The following HLTF variants were observed in gnomAD, a reference collection of about 807,000 sequenced individuals.
HLTF encodes helicase like transcription factor.
A neutral mutation model predicts 129.4 loss-of-function variants in HLTF; 127 were observed. The ratio of observed to expected loss-of-function variants is 0.98; its 90% CI spans 0.85 to 1.14. The LOEUF (loss-of-function observed/expected upper bound fraction) is 1.14, where lower values mean the gene tolerates loss of function less well. Among genes scored for constraint, HLTF ranks in the 50% most tolerant of loss-of-function variants. HLTF has a pLI of 0.00. For missense variants in HLTF, 1,139 were observed against 1,187.1 expected (o/e 0.96, Z 0.60); for synonymous variants, 332 against 388.8 (o/e 0.85, Z 1.72).
chr3:149,038,971 G>T (rs1715877624), intron 23 of HLTF, 78 bp downstream of exon 23: 2 of 781,566 alleles, frequency 2.6e-6, no homozygotes, highest in South Asian at 2.5e-5. Flanking sequence ...AACTATGAAG[G>T]TATTTACCAA....
intron 10 of HLTF, among the ~76,000 whole-genome samples, chr3:149,061,193 G>C (rs528349239): frequency 1.3e-4 from 20 of 151,928 alleles, no homozygotes; most frequent in African/African-American, 4.8e-4. Flanking sequence ...CCTTAGCCTC[G>C]GGAGTACCTA....
intron 14 of HLTF, among the ~76,000 whole-genome samples, chr3:149,053,701 G>T (rs1717182217): frequency 6.6e-6 from 1 of 152,236 alleles, no homozygotes; most frequent in East Asian, 1.9e-4. Context: ...CACTTGGCAA[G>T]ATTTTGCCAC....
chr3:149,051,992 A>G (rs1489748187), intron 14 of HLTF: 1 of 152,056 alleles, frequency 6.6e-6, no homozygotes, highest in Non-Finnish European at 1.5e-5. Context: ...CATCTCTACT[A>G]AAAAAACAAA....
intron 13 of HLTF, among the ~76,000 whole-genome samples, chr3:149,056,264 T>C (rs1401565096): frequency 3.3e-5 from 5 of 152,220 alleles, no homozygotes; most frequent in African/African-American, 4.8e-5. Flanking sequence ...TGTTACACAG[T>C]AATAGGTAAC....
chr3:149,046,357 T>C, intron 17 of HLTF, 98 bp from the exon 18 acceptor site: 3 of 658,554 alleles, frequency 4.6e-6, no homozygotes, highest in East Asian at 6.3e-5. Context: ...TACTGTTTTA[T>C]AGCTTCTGTA....
At chr3:149,050,396 T>C (rs1196196265) in intron 14 of HLTF, 21 bp from the exon 15 acceptor site, 2 of 1,515,226 alleles carry the variant, frequency 1.3e-6, no homozygotes, top group African/African-American at 1.4e-5. Context: ...ATTAGGAATA[T>C]TTTTAACAAT....
intron 2 of HLTF, among the ~76,000 whole-genome samples, chr3:149,082,862 T>C (rs1277743585): frequency 6.6e-6 from 1 of 152,166 alleles, no homozygotes; most frequent in Non-Finnish European, 1.5e-5. Context: ...ATGATTCCAA[T>C]TTACATGCAC....
At chr3:149,053,194 C>A (rs1276687422) in intron 14 of HLTF, among the ~76,000 whole-genome samples, 1 of 152,158 alleles carries the variant, frequency 6.6e-6, no homozygotes, top group Admixed American at 6.5e-5. Flanking sequence ...AATTCTTGAT[C>A]ATTGAAATCG....
intron 19 of HLTF, 83 bp from the exon 20 acceptor site, chr3:149,041,751 T>C (rs1716151979): frequency 5.3e-6 from 5 of 937,584 alleles, no homozygotes; most frequent in Non-Finnish European, 8.1e-6. Flanking sequence ...AAAGTTTCGC[T>C]TGCCAGTAGG....
chr3:149,050,261 T>C lies in HLTF; in HGVS notation c.1588A>G (p.Thr530Ala), dbSNP rs1438936855. 5 of 1,590,700 alleles carry C rather than the reference T, an allele frequency of 3.1e-6. No individual in the cohort carries two copies. The highest frequency in any genetic ancestry group is 1.3e-5 in the African/African-American group (1 of 74,260). ...LLSKQDIVLT[T>A]YNILTHDYGT... The stretch of plus-strand genomic sequence containing the variant: ...TAGTCATGAGTTAAAATATTATACG[T>C]AGTCAAAACAATATCCTGTTTTGAA... Residue 530 changes from threonine to alanine, a missense_variant, in exon 15 of 25, where the codon ACG becomes GCG. Coordinates refer to ENST00000310053, the MANE Select transcript of HLTF (RefSeq NM_003071.4).
chr3:149,069,012 G>C (rs1576613272), intron 7 of HLTF, among the ~76,000 whole-genome samples: 1 of 152,086 alleles, frequency 6.6e-6, no homozygotes, highest in Non-Finnish European at 1.5e-5. Flanking sequence ...ATACTACTAA[G>C]ACAGACCTTA....
intron 9 of HLTF, among the ~76,000 whole-genome samples, chr3:149,064,563 C>T (rs1193894471): frequency 2.0e-5 from 3 of 152,098 alleles, no homozygotes; most frequent in Non-Finnish European, 4.4e-5. Context: ...TGCTCTTCCC[C>T]AGTTCTCTAA....
Position 149,048,870 on chromosome 3 carries a change from A to T in HLTF, c.1749T>A (p.Val583=). ...VLDLESERRW[V]LTGTPIQNSL... is the part of the protein sequence containing the mutation. Reference sequence around the variant, plus strand: ...GTTTAATGCTATGATTACCTGTCAAAACCCATCTTCTTTCTGATTCTAAGT... The same window carrying T: ...GTTTAATGCTATGATTACCTGTCAATACCCATCTTCTTTCTGATTCTAAGT... Residue 583 remains valine (V), a synonymous_variant, in exon 16 of 25, where the codon GTT becomes GTA. Coordinates refer to ENST00000310053, the MANE Select transcript of HLTF (RefSeq NM_003071.4). 6.2e-7 allele frequency: 1 copy of T among 1,612,892 alleles called. No individual in the cohort carries two copies. Among genetic ancestry groups the T allele is most frequent in the Non-Finnish European group, 8.5e-7 (1 of 1,179,030 alleles).
In HLTF at chr3:149,050,327, C is replaced by A. The variant is rs1443522734; in HGVS notation, c.1522G>T (p.Val508Phe). The A allele has an allele frequency of 6.3e-7, 1 of 1,595,050 alleles. No homozygotes were observed. Among genetic ancestry groups the A allele is most frequent in the Admixed American group, 1.7e-5 (1 of 58,808 alleles). Reference protein sequence around the residue: ...IKSDVHLNFYVYYGPDRIREP... With the variant: ...IKSDVHLNFYFYYGPDRIREP... ...CTAATACGATCAGGACCATAATAAA[C>A]ATAAAAATTCAAGTGTACATCTGAT... Residue 508 changes from valine (V) to phenylalanine (F), a missense_variant, in exon 15 of 25, where the codon GTT (valine) becomes TTT (phenylalanine). Transcript: ENST00000310053.
At chr3:149,067,605 C>T (rs942527707) in intron 8 of HLTF, among the ~76,000 whole-genome samples, 6 of 151,932 alleles carry the variant, frequency 3.9e-5, no homozygotes, top group Non-Finnish European at 5.9e-5. Flanking sequence ...TGGGCTCCAG[C>T]AATCCTCCTG....
rs1215812614 is a variant in HLTF at position 149,040,119 on chromosome 3, T to G, written c.2414A>C (p.His805Pro). ...AKCPLCRNDI[H>P]EDNLLECPPE... ...AGGACATTCTAATAAATTATCTTCA[T>G]GTATATCATTTCTGCATAAAGGGCA... Residue 805 changes from histidine (H) to proline (P), a missense_variant, in exon 21 of 25, where the codon CAT (histidine) becomes CCT (proline). By Grantham distance (77) the His-to-Pro change is moderately conservative. Coordinates refer to ENST00000310053, the MANE Select transcript of HLTF (RefSeq NM_003071.4). 1 of 1,609,686 alleles carries G rather than the reference T, an allele frequency of 6.2e-7. No individual in the cohort carries two copies. The highest frequency in any genetic ancestry group is 2.2e-5 in the East Asian group (1 of 44,738).
chr3:149,034,793 A>G, intron 24 of HLTF, 125 bp downstream of exon 24: 1 of 648,328 alleles, frequency 1.5e-6, no homozygotes, highest in East Asian at 2.8e-5. Flanking sequence ...ATGAAGGAGG[A>G]AAAAGGTGAC....
At chr3:149,052,147 G>GT (rs1295858659) in intron 14 of HLTF, 3,055 of 97,548 alleles carry the variant, frequency 0.031, 47 homozygotes, top group South Asian at 0.052. Flanking sequence ...GAGCAAGACT[G>GT]TAAAAAAAAA....
At chr3:149,058,200 T>A (rs901922014) in intron 13 of HLTF, among the ~76,000 whole-genome samples, 2 of 152,172 alleles carry the variant, frequency 1.3e-5, no homozygotes, top group Non-Finnish European at 2.9e-5. Context: ...CAGGCTCAAG[T>A]AGCTGGGACT....
Sources: gnomAD v4.1 joint callset for allele counts (sites outside exome capture counted in the v4.1 genomes callset) on GRCh38, gnomAD v4.1.1 for gene constraint, MANE v1.5 for transcripts, NCBI Gene and HGNC (gene_info 2026-07-23, HGNC 2026-07-21) for gene names.